PTPRD: variants seen among roughly 807,000 people sequenced by gnomAD.
PTPRD encodes the protein receptor-type tyrosine-protein phosphatase delta.
PTPRD carries 34 observed loss-of-function variants against 214.5 expected under a neutral mutation model. The ratio of observed to expected loss-of-function variants is 0.16; its 90% CI spans 0.12 to 0.21. The LOEUF (loss-of-function observed/expected upper bound fraction) is 0.21, where lower values mean the gene tolerates loss of function less well. Ranked by LOEUF, PTPRD falls within the 10% of genes least tolerant of loss-of-function variation. The pLI is 1.00. For missense variants in PTPRD, 2,545 were observed against 2,398.7 expected (o/e 1.06, Z -1.27); for synonymous variants, 1,128 against 845.7 (o/e 1.33, Z -5.79).
chr9:8,515,277 T>C (rs559926110), intron 21 of PTPRD, among the ~76,000 whole-genome samples: 13 of 152,358 alleles, frequency 8.5e-5, no homozygotes, highest in Non-Finnish European at 1.6e-4. Flanking sequence ...ATCTGCCTAA[T>C]TGGTTTGTGA....
At chr9:8,579,532 C>T (rs377349070) in intron 14 of PTPRD, among the ~76,000 whole-genome samples, 256 of 152,214 alleles carry the variant, frequency 1.7e-3, no homozygotes, top group Middle Eastern at 3.4e-3. Flanking sequence ...TTAATAAGTC[C>T]TGGGCAATAA....
intron 3 of PTPRD, among the ~76,000 whole-genome samples, chr9:10,252,730 A>C (rs1477855519): frequency 6.6e-6 from 1 of 152,144 alleles, no homozygotes; most frequent in Non-Finnish European, 1.5e-5. Flanking sequence ...CAAATTAAAT[A>C]TATTTCAGAA....
chr9:8,321,512 TATA>T (rs1827979533), intron 44 of PTPRD, among the ~76,000 whole-genome samples: 1 of 126,080 alleles, frequency 7.9e-6, no homozygotes, highest in Admixed American at 7.7e-5. Flanking sequence ...TATATATATA[TATA>T]TATATATATA....
At chr9:9,211,273 T>C (rs2099948411) in intron 9 of PTPRD, among the ~76,000 whole-genome samples, 1 of 152,186 alleles carries the variant, frequency 6.6e-6, no homozygotes, top group Admixed American at 6.5e-5. Flanking sequence ...AATTATTTAC[T>C]GGCTCTGAGA....
At chr9:8,722,123 CTGTGTGTGTGTGTGTGTGTGTGTGTG>C (rs34720946) in intron 12 of PTPRD, among the ~76,000 whole-genome samples, 1 of 147,368 alleles carries the variant, frequency 6.8e-6, no homozygotes, top group Non-Finnish European at 1.5e-5. Flanking sequence ...AAGTATTACT[CTGTGTGTGTGTGTGTGTGTGTGTGTG>C]TGTGTGTGTG....
chr9:8,461,163 A>G (rs764899046), intron 32 of PTPRD, among the ~76,000 whole-genome samples: 2 of 152,136 alleles, frequency 1.3e-5, no homozygotes, highest in Non-Finnish European at 2.9e-5. Flanking sequence ...ATGAACAAAT[A>G]AAGTCTACAA....
intron 7 of PTPRD, among the ~76,000 whole-genome samples, chr9:9,626,672 G>C (rs1041606186): frequency 1.3e-5 from 2 of 152,156 alleles, no homozygotes; most frequent in Non-Finnish European, 1.5e-5. Flanking sequence ...CACAAGTACT[G>C]TACATATAAT....
intron 24 of PTPRD, among the ~76,000 whole-genome samples, chr9:8,500,050 CAAAAAAAA>C (rs34424655): frequency 8.9e-5 from 7 of 78,340 alleles, no homozygotes; most frequent in Non-Finnish European, 1.8e-4. Context: ...ATGACCGATG[CAAAAAAAA>C]AAAAAAAAAA....
At chr9:9,897,112 C>T (rs964759218) in intron 5 of PTPRD, among the ~76,000 whole-genome samples, 3 of 126,294 alleles carry the variant, frequency 2.4e-5, no homozygotes, top group Admixed American at 9.2e-5. Context: ...GTCATTAAAA[C>T]AAAAACATCT....
In PTPRD at chr9:8,317,895, G is replaced by A. The variant is rs756230574; in HGVS notation, c.5718C>T (p.Ser1906=). The change falls in exon 46 of 46, where the codon AGC becomes AGT. Residue 1906 remains serine (S), a synonymous_variant. Transcript: ENST00000381196. ...SYRAALEYLG[S]FDHYAT ...GTTTCTACGTTGCATAGTGGTCAAA[G>A]CTGCCCAGGTACTCTAGTGCGGCAC... is the stretch of plus-strand genomic sequence containing the variant. 2 of 1,612,216 alleles carry A rather than the reference G, an allele frequency of 1.2e-6. No homozygotes were observed. Among genetic ancestry groups the A allele is most frequent in the Non-Finnish European group, 1.7e-6 (2 of 1,178,744 alleles).
chr9:8,712,635 A>C (rs979777405), intron 12 of PTPRD, among the ~76,000 whole-genome samples: 3 of 152,040 alleles, frequency 2.0e-5, no homozygotes, highest in Non-Finnish European at 4.4e-5. Flanking sequence ...TTATCTAATC[A>C]AACAGCTGAT....
At chr9:10,285,272 C>G in intron 3 of PTPRD, among the ~76,000 whole-genome samples, 1 of 124,336 alleles carries the variant, frequency 8.0e-6, no homozygotes. Flanking sequence ...CTTGTTTTCA[C>G]GTGAGAAAAT....
intron 8 of PTPRD, among the ~76,000 whole-genome samples, chr9:9,476,889 C>T (rs924128429): frequency 6.6e-6 from 1 of 151,992 alleles, no homozygotes; most frequent in Non-Finnish European, 1.5e-5. Flanking sequence ...GCATGTGCCA[C>T]CATGCCTGAC....
rs145734064 is a variant in PTPRD at position 9,978,620 on chromosome 9, A to G, written c.-471-40010T>C. Reference sequence around the variant, plus strand: ...TCCTTCAGTCCCGCAGAAAGAACTGATGGAGAACAGAACAAATGCACGCAT... The same window carrying G: ...TCCTTCAGTCCCGCAGAAAGAACTGGTGGAGAACAGAACAAATGCACGCAT... On this transcript the variant is annotated intron_variant, in intron 4 of 45. Transcript: ENST00000381196. Among the ~76,000 whole-genome samples the G allele has an allele frequency of 2.8e-3, 433 of 152,214 alleles. 2 individuals are homozygous for G. Among genetic ancestry groups the G allele is most frequent in the African/African-American group, 1.0e-2 (415 of 41,570 alleles).
intron 3 of PTPRD, among the ~76,000 whole-genome samples, chr9:10,192,268 A>C (rs2099367123): frequency 6.6e-6 from 1 of 151,992 alleles, no homozygotes; most frequent in African/African-American, 2.4e-5. Context: ...AGCTCACTTA[A>C]TTGCCTGAGA....
At chr9:8,753,867 A>G (rs188253370) in intron 11 of PTPRD, among the ~76,000 whole-genome samples, 7,708 of 152,284 alleles carry the variant, frequency 0.051, 486 homozygotes, top group African/African-American at 0.15. Context: ...ATTGTAGGCC[A>G]GGCATGGTGG....
At chr9:8,941,802 G>A (rs1438404219) in intron 11 of PTPRD, among the ~76,000 whole-genome samples, 2 of 151,876 alleles carry the variant, frequency 1.3e-5, no homozygotes, top group African/African-American at 4.8e-5. Flanking sequence ...TTGTTTGTTT[G>A]TTTGTTTGTT....
chr9:8,924,947 T>C (rs1422998569), intron 11 of PTPRD, among the ~76,000 whole-genome samples: 1 of 152,194 alleles, frequency 6.6e-6, no homozygotes, highest in Non-Finnish European at 1.5e-5. Flanking sequence ...CTTATGCTGC[T>C]GATGATTGTG....
At chr9:8,912,276 G>A (rs1258090971) in intron 11 of PTPRD, among the ~76,000 whole-genome samples, 3 of 152,082 alleles carry the variant, frequency 2.0e-5, no homozygotes, top group African/African-American at 4.8e-5. Context: ...GTTGGTGAAT[G>A]GATAAACAAT....
Sources: gnomAD v4.1 joint callset for allele counts (sites outside exome capture counted in the v4.1 genomes callset) on GRCh38, gnomAD v4.1.1 for gene constraint, MANE v1.5 for transcripts, NCBI Gene and HGNC (gene_info 2026-07-23, HGNC 2026-07-21) for gene names.